MTMR9: variants seen among roughly 807,000 people sequenced by gnomAD.
MTMR9 encodes the protein myotubularin-related protein 9.
In MTMR9, 39 loss-of-function variants were observed where a neutral mutation model predicts 69.5. The ratio of observed to expected loss-of-function variants is 0.56; its 90% CI spans 0.43 to 0.73. The LOEUF is 0.73. Among genes scored for constraint, MTMR9 ranks in the 30% least tolerant of loss-of-function variants. The pLI, the probability that MTMR9 is intolerant of heterozygous loss-of-function variation, is 0.00. For synonymous variants in MTMR9, 354 were observed against 240.8 expected (o/e 1.47, Z -4.35); for missense variants, 900 against 671.2 (o/e 1.34, Z -3.77).
At chr8:11,287,963 A>G (rs1323832947) in intron 1 of MTMR9, among the ~76,000 whole-genome samples, 2 of 127,796 alleles carry the variant, frequency 1.6e-5, no homozygotes, top group Admixed American at 9.1e-5. Context: ...ATTATATACT[A>G]TGTATTATAT....
At position 11,284,951 on chromosome 8, in the gene MTMR9, C is replaced by G; in HGVS notation, c.63C>G (p.Phe21Leu). Residue 21 changes from phenylalanine (F) to leucine (L), a missense_variant, in exon 1 of 10, where the codon TTC becomes TTG. By Grantham distance (22) the Phe-to-Leu change is conservative. Transcript: ENST00000221086. ...ACAATGTGGTGCTGCACCGGCCTTT[C>G]TACCCGGCTGTCGAGGGCACCCTGT... ...RVDNVVLHRP[F>L]YPAVEGTLCL... 1 of 1,613,954 alleles carries G rather than the reference C, an allele frequency of 6.2e-7. No homozygotes were observed. Among genetic ancestry groups the G allele is most frequent in the Non-Finnish European group, 8.5e-7 (1 of 1,179,948 alleles).
chr8:11,327,187 T>C lies in MTMR9; in HGVS notation c.*4399T>C, dbSNP rs1563292810. ...GACCCTCTGAAATTCTAGGACTGGATATTAAAATGCCTGAACCTGTTATCT... is the reference window on the plus strand; with the variant it reads ...GACCCTCTGAAATTCTAGGACTGGACATTAAAATGCCTGAACCTGTTATCT... On this transcript the variant is annotated 3_prime_UTR_variant, in exon 10 of 10. Transcript: ENST00000221086. The C allele has an allele frequency of 6.6e-6, 1 of 152,212 alleles. No individual in the cohort carries two copies. The highest frequency in any genetic ancestry group is 1.5e-5 in the Non-Finnish European group (1 of 68,032). 9.4% of individuals were successfully genotyped at this position (152,212 alleles called of 1,614,324 possible). A position where few individuals can be genotyped will look rare whatever the true frequency, so the allele number is the denominator to read the frequency against.
At chr8:11,311,338 C>T (rs757954764) in intron 6 of MTMR9, among the ~76,000 whole-genome samples, 11 of 152,176 alleles carry the variant, frequency 7.2e-5, no homozygotes, top group African/African-American at 2.2e-4. Context: ...AAATGTCCAA[C>T]TATAGGATTA....
At chr8:11,314,871 T>C in intron 6 of MTMR9, 52 bp from the exon 7 acceptor site, 5 of 1,579,228 alleles carry the variant, frequency 3.2e-6, no homozygotes, top group Admixed American at 1.7e-5. Flanking sequence ...ACAGAGTTCA[T>C]TGACCATGTT....
chr8:11,302,274 AGAG>A (rs1239844376), intron 3 of MTMR9, among the ~76,000 whole-genome samples: 1 of 100,434 alleles, frequency 1.0e-5, no homozygotes, highest in Non-Finnish European at 1.9e-5. Context: ...AAAAAAAAAA[AGAG>A]GAAGACAAAA....
chr8:11,311,801 G>A (rs1031360263), intron 6 of MTMR9, among the ~76,000 whole-genome samples: 1 of 151,936 alleles, frequency 6.6e-6, no homozygotes, highest in African/African-American at 2.4e-5. Flanking sequence ...TTTTACCCAC[G>A]GTTGAACTTG....
downstream of MTMR9, among the ~76,000 whole-genome samples, chr8:11,332,391 G>C (rs1801271546): frequency 2.0e-5 from 3 of 151,812 alleles, no homozygotes; most frequent in Non-Finnish European, 1.5e-5. Context: ...GGACTTACTA[G>C]ACAAAGACTA....
chr8:11,339,225 AAACAGCTGCTAGGCCCAGATGTTGC>A, the MTMR9 span, among the ~76,000 whole-genome samples: 1 of 152,266 alleles, frequency 6.6e-6, no homozygotes, highest in African/African-American at 2.4e-5. Context: ...AGCTCCAATC[AAACAGCTGCTAGGCCCAGATGTTGC>A]ACCTTTACTA....
intron 9 of MTMR9, 140 bp from the exon 10 acceptor site, chr8:11,322,485 A>G (rs553884885): frequency 2.1e-5 from 13 of 632,326 alleles, no homozygotes; most frequent in African/African-American, 1.9e-4. Context: ...ATTTTAGAGT[A>G]TAATAAAATA....
At chr8:11,297,845 T>G in intron 2 of MTMR9, 1 of 456,262 alleles carries the variant, frequency 2.2e-6, no homozygotes, top group South Asian at 1.5e-5. Context: ...TTAAATGTTC[T>G]TACAGCGTAG....
At chr8:11,287,470 T>C (rs1799203528) in intron 1 of MTMR9, among the ~76,000 whole-genome samples, 1 of 151,482 alleles carries the variant, frequency 6.6e-6, no homozygotes, top group Non-Finnish European at 1.5e-5. Context: ...GGAAGCAGCG[T>C]GGTGTAGTGA....
intron 1 of MTMR9, among the ~76,000 whole-genome samples, chr8:11,293,525 C>G (rs1585109694): frequency 6.6e-6 from 1 of 152,118 alleles, no homozygotes; most frequent in Middle Eastern, 3.2e-3. Context: ...CTCTTTAACC[C>G]TGTGTTTCAA....
At chr8:11,335,924 G>T in the MTMR9 span, among the ~76,000 whole-genome samples, 1 of 152,136 alleles carries the variant, frequency 6.6e-6, no homozygotes, top group Admixed American at 6.5e-5. Context: ...TGGGAGTTAG[G>T]ACTTCAACAC....
intron 7 of MTMR9, 124 bp from the exon 8 acceptor site, chr8:11,316,548 AC>A: frequency 1.7e-6 from 1 of 580,100 alleles, no homozygotes; most frequent in Non-Finnish European, 3.0e-6. Context: ...TACAACAGCT[AC>A]CCTAATTATA....
rs1488872973 is a variant in MTMR9, at chr8:11,287,933, ATG to A, written c.182+2867_182+2868del. ...TAATATGTATTATATATTATATAATATGTGTTATATATCATACGTATTATATA... is the reference window on the plus strand; with the variant it reads ...TAATATGTATTATATATTATATAATATGTTATATATCATACGTATTATATA... On this transcript the variant is annotated intron_variant, in intron 1 of 9. Transcript: ENST00000221086. Among the ~76,000 whole-genome samples the A allele has an allele frequency of 1.1e-3, 131 of 124,472 alleles. 1 individual carries two copies. Among genetic ancestry groups the A allele is most frequent in the Middle Eastern group, 4.9e-3 (1 of 204 alleles). The allele number at this position is 124,472 out of a possible 152,430, so 81.7% of individuals were successfully genotyped here. A position where few individuals can be genotyped will look rare whatever the true frequency, so the allele number is the denominator to read the frequency against.
At chr8:11,311,568 A>C (rs1379898754) in intron 6 of MTMR9, among the ~76,000 whole-genome samples, 1 of 152,242 alleles carries the variant, frequency 6.6e-6, no homozygotes, top group South Asian at 2.1e-4. Context: ...AACAATATAC[A>C]TACCTGAATT....
At chr8:11,309,154 G>A (rs1800089626) in intron 5 of MTMR9, among the ~76,000 whole-genome samples, 1 of 152,168 alleles carries the variant, frequency 6.6e-6, no homozygotes. Flanking sequence ...GGGTAAGGCT[G>A]CTGATGGCAC....
chr8:11,292,718 A>G (rs1216202872), intron 1 of MTMR9, among the ~76,000 whole-genome samples: 1 of 152,122 alleles, frequency 6.6e-6, no homozygotes, highest in Non-Finnish European at 1.5e-5. Context: ...TTGAGAGTGT[A>G]TGTTTGTATA....
chr8:11,297,936 C>T (rs1245845424), intron 2 of MTMR9: 6 of 456,136 alleles, frequency 1.3e-5, no homozygotes, highest in Admixed American at 4.7e-5. Flanking sequence ...TCCCCGAATA[C>T]ATCTGGACAC....
Sources: allele counts gnomAD v4.1 joint callset (sites outside exome capture counted in the v4.1 genomes callset), GRCh38; gene constraint gnomAD v4.1.1; transcripts MANE v1.5; gene names NCBI Gene and HGNC (gene_info 2026-07-23, HGNC 2026-07-21).